Variants in RAI14 observed in about 807,000 individuals in gnomAD.
RAI14 encodes retinoic acid induced 14, also known as ankycorbin.
Under a neutral mutation model 115.4 loss-of-function variants are expected in RAI14, and 45 were observed. That is an observed-to-expected ratio of 0.39 (90% CI 0.31 to 0.50). The LOEUF is 0.50. RAI14 is among the 20% of genes least tolerant of loss of function. The pLI, the probability that RAI14 is intolerant of heterozygous loss-of-function variation, is 0.85. For missense variants in RAI14, 939 were observed against 1,131.2 expected (o/e 0.83, Z 2.44); for synonymous variants, 371 against 415.4 (o/e 0.89, Z 1.30).
chr5:34,662,809 A>G (rs1299467411), intron 1 of RAI14, among the ~76,000 whole-genome samples: 3 of 138,388 alleles, frequency 2.2e-5, no homozygotes, highest in African/African-American at 8.1e-5. Context: ...GCTCACTGCA[A>G]CCTCCGCCTC....
chr5:34,727,878 G>A (rs1032238967), intron 2 of RAI14, among the ~76,000 whole-genome samples: 5 of 152,118 alleles, frequency 3.3e-5, no homozygotes, highest in Non-Finnish European at 7.4e-5. Flanking sequence ...TGTGGAGTGC[G>A]AACCCCCACA....
At chr5:34,809,608 C>CT (rs61391015) in intron 7 of RAI14, among the ~76,000 whole-genome samples, 333 of 143,602 alleles carry the variant, frequency 2.3e-3, no homozygotes, top group East Asian at 9.8e-3. Flanking sequence ...GAGAGCTGCA[C>CT]TTTTTTTTTT....
chr5:34,693,476 G>T (rs1738876926), intron 2 of RAI14, among the ~76,000 whole-genome samples: 1 of 152,206 alleles, frequency 6.6e-6, no homozygotes, highest in African/African-American at 2.4e-5. Flanking sequence ...CAGGAATAAG[G>T]AGTTCTCATG....
intron 2 of RAI14, among the ~76,000 whole-genome samples, chr5:34,724,988 TG>T (rs1484347113): frequency 1.3e-5 from 2 of 151,830 alleles, no homozygotes; most frequent in African/African-American, 4.8e-5. Context: ...TGAAAAAGCC[TG>T]GGTCTCTGTA....
Position 34,665,055 on chromosome 5 carries a change from GTGTATATATA to G in RAI14, c.-49+8584_-49+8593del, listed in dbSNP as rs1743020967. ...TATGTATATATATGTGTATATATAT[GTGTATATATA>G]TGTGTATATATATGTGTATATATAT... is the stretch of plus-strand genomic sequence containing the variant. On this transcript the variant is annotated intron_variant, in intron 1 of 17. Transcript: ENST00000265109. 8.4e-5 allele frequency among the ~76,000 whole-genome samples: 2 copies of G among 23,760 alleles called. 1 individual carries two copies. The highest frequency in any genetic ancestry group is 1.0e-3 in the Admixed American group (2 of 1,948). The allele number at this position is 23,760 out of a possible 152,430, so 15.6% of individuals were successfully genotyped here.
At chr5:34,687,677 T>A in intron 2 of RAI14, 1 of 1,551,448 alleles carries the variant, frequency 6.4e-7, no homozygotes, top group Non-Finnish European at 8.7e-7. Flanking sequence ...TGAGCAGAGT[T>A]GTGGAGTGGG....
chr5:34,713,220 G>A (rs936614788), intron 2 of RAI14, among the ~76,000 whole-genome samples: 3 of 152,134 alleles, frequency 2.0e-5, no homozygotes, highest in African/African-American at 7.2e-5. Context: ...TGGTGGATAA[G>A]GATGAGGCCA....
intron 4 of RAI14, among the ~76,000 whole-genome samples, chr5:34,796,468 A>C (rs1230447425): frequency 2.0e-5 from 3 of 152,084 alleles, no homozygotes; most frequent in Non-Finnish European, 4.4e-5. Flanking sequence ...AATCACCTCC[A>C]ATAGCAAGAC....
chr5:34,683,580 T>C (rs1373993256), intron 1 of RAI14, among the ~76,000 whole-genome samples: 1 of 152,148 alleles, frequency 6.6e-6, no homozygotes, highest in Non-Finnish European at 1.5e-5. Context: ...ATGCTTTGAG[T>C]GGCTCTGCTG....
chr5:34,702,458 G>A (rs994084994), intron 2 of RAI14, among the ~76,000 whole-genome samples: 3 of 152,164 alleles, frequency 2.0e-5, no homozygotes, highest in African/African-American at 2.4e-5. Context: ...CAGCCTGGGC[G>A]ATCAAGCAAG....
chr5:34,757,708 A>G (rs1391441042), intron 3 of RAI14, 110 bp downstream of exon 3: 2 of 1,310,820 alleles, frequency 1.5e-6, no homozygotes, highest in African/African-American at 1.5e-5. Context: ...CTCCACTCCC[A>G]TGTTGAAATA....
intron 1 of RAI14, among the ~76,000 whole-genome samples, chr5:34,666,203 A>C (rs1743196489): frequency 6.6e-6 from 1 of 151,686 alleles, no homozygotes; most frequent in African/African-American, 2.4e-5. Flanking sequence ...CTCACAGGAG[A>C]TGTCCTGCGC....
intron 2 of RAI14, among the ~76,000 whole-genome samples, chr5:34,736,920 G>C (rs963195272): frequency 4.8e-4 from 73 of 152,178 alleles, no homozygotes; most frequent in African/African-American, 1.4e-3. Flanking sequence ...CCTGTTAGGA[G>C]CCAGGCTGCA....
At chr5:34,755,273 G>T (rs1747737487) in intron 2 of RAI14, among the ~76,000 whole-genome samples, 1 of 152,096 alleles carries the variant, frequency 6.6e-6, no homozygotes. Flanking sequence ...AGCTTGATTG[G>T]TAACTAAAGA....
chr5:34,793,447 G>T (rs554001552), intron 3 of RAI14, among the ~76,000 whole-genome samples: 7 of 152,112 alleles, frequency 4.6e-5, no homozygotes, highest in Non-Finnish European at 1.0e-4. Flanking sequence ...GGGGAAGGGG[G>T]TTAGTAACTA....
chr5:34,709,129 C>CA (rs35361351), intron 2 of RAI14, among the ~76,000 whole-genome samples: 7,614 of 95,842 alleles, frequency 0.079, 664 homozygotes, highest in African/African-American at 0.25. Flanking sequence ...GACCCTATCT[C>CA]AAAAAAAAAA....
intron 2 of RAI14, among the ~76,000 whole-genome samples, chr5:34,755,366 A>G (rs1407477989): frequency 1.3e-5 from 2 of 152,130 alleles, no homozygotes; most frequent in Non-Finnish European, 1.5e-5. Flanking sequence ...ACTTTGTTAA[A>G]CCTATGAGGA....
At chr5:34,773,385 A>T (rs959754148) in intron 3 of RAI14, among the ~76,000 whole-genome samples, 1 of 152,248 alleles carries the variant, frequency 6.6e-6, no homozygotes, top group South Asian at 2.1e-4. Context: ...AAAAGCGTAG[A>T]CAGCTATAAC....
At chr5:34,686,812 C>A in intron 1 of RAI14, 60 bp from the exon 2 acceptor site, 1 of 1,124,198 alleles carries the variant, frequency 8.9e-7, no homozygotes, top group Non-Finnish European at 1.3e-6. Context: ...AAGTTGTAAT[C>A]CAATCAGGAG....
Sources: allele counts gnomAD v4.1 joint callset (sites outside exome capture counted in the v4.1 genomes callset), GRCh38; gene constraint gnomAD v4.1.1; transcripts MANE v1.5; gene names NCBI Gene and HGNC (gene_info 2026-07-23, HGNC 2026-07-21).